Variants in HSPA9 observed in about 807,000 individuals in gnomAD.
HSPA9 encodes the protein heat shock protein family A (Hsp70) member 9.
A neutral mutation model predicts 81.5 loss-of-function variants in HSPA9; 28 were observed. That is an observed-to-expected ratio of 0.34 (90% CI 0.25 to 0.47). The LOEUF (loss-of-function observed/expected upper bound fraction) is 0.47, where lower values mean the gene tolerates loss of function less well. Among genes scored for constraint, HSPA9 ranks in the 20% least tolerant of loss-of-function variants. The pLI is 1.00. For synonymous variants in HSPA9, 293 were observed against 290.4 expected, an observed-to-expected ratio of 1.01 and a Z score of -0.09; for missense variants, 678 against 838.0, an observed-to-expected ratio of 0.81 and a Z score of 2.36.
chr5:138,558,595 T>C lies in HSPA9; in HGVS notation c.1473A>G (p.Arg491=). The C allele has an allele frequency of 6.2e-7, 1 of 1,613,840 alleles. No individual in the cohort carries two copies. The highest frequency in any genetic ancestry group is 8.5e-7 in the Non-Finnish European group (1 of 1,179,730). The change falls in exon 12 of 17, where the codon AGA becomes AGG. Residue 491 remains arginine, a synonymous_variant. Transcript: ENST00000297185. Reference sequence around the variant, plus strand: ...GGAGTTTGTTGTCTCCAGCCATCTCTCTTTCACCCTGACACACTTTAATTT... The same window carrying C: ...GGAGTTTGTTGTCTCCAGCCATCTCCCTTTCACCCTGACACACTTTAATTT... The part of the protein sequence containing the change: ...QVEIKVCQGE[R]EMAGDNKLLG...
At chr5:138,571,647 A>ATT (rs565771367) in intron 3 of HSPA9, among the ~76,000 whole-genome samples, 14 of 141,498 alleles carry the variant, frequency 9.9e-5, no homozygotes, top group Non-Finnish European at 9.3e-5. Context: ...TCAAACTACT[A>ATT]TTTTTTTTTT....
intron 2 of HSPA9, 67 bp from the exon 3 acceptor site, chr5:138,573,917 ATATT>A (rs1370419370): frequency 2.2e-6 from 3 of 1,355,046 alleles, no homozygotes; most frequent in Non-Finnish European, 3.2e-6. Flanking sequence ...CTGGAAGATA[ATATT>A]TAATTGGAAA....
At chr5:138,558,438 G>A in intron 12 of HSPA9, 115 bp downstream of exon 12, 1 of 772,630 alleles carries the variant, frequency 1.3e-6, no homozygotes, top group Non-Finnish European at 2.3e-6. Context: ...TTCTTCTCAA[G>A]ACTACTCAGT....
intron 9 of HSPA9, 82 bp from the exon 10 acceptor site, chr5:138,561,871 T>C (rs561091997): frequency 1.8e-6 from 2 of 1,085,112 alleles, no homozygotes; most frequent in South Asian, 1.3e-5. Context: ...AATATGACCA[T>C]GCCCTAGGAC....
At position 138,553,770 on chromosome 5, in the gene HSPA9, G is replaced by GTCC. The variant is rs1398877059; in HGVS notation, c.*2266_*2267insGGA. ...CCAATCATTTCTTTTTGCCTTTTGT[G>GTCC]ATAGTTAATTTTATGTGTCAGTTTA... On this transcript the variant is annotated 3_prime_UTR_variant, in exon 17 of 17. Coordinates refer to ENST00000297185, the MANE Select transcript of HSPA9 (RefSeq NM_004134.7). Among the ~76,000 whole-genome samples the GTCC allele has an allele frequency of 4.0e-5, 6 of 151,462 alleles. No individual in the cohort carries two copies. The highest frequency in any genetic ancestry group is 8.8e-5 in the Non-Finnish European group (6 of 67,926).
chr5:138,560,125 C>T (rs768620351), intron 10 of HSPA9, 34 bp from the exon 11 acceptor site: 4 of 1,517,316 alleles, frequency 2.6e-6, no homozygotes, highest in Non-Finnish European at 3.7e-6. Flanking sequence ...TGTCGGCCCA[C>T]ACTTGGGAAC....
At position 138,555,808 on chromosome 5, in the gene HSPA9, A is replaced by G. The variant is rs1431962620; in HGVS notation, c.*229T>C. On this transcript the variant is annotated 3_prime_UTR_variant, in exon 17 of 17. Coordinates refer to ENST00000297185, the MANE Select transcript of HSPA9 (RefSeq NM_004134.7). Reference sequence around the variant, plus strand: ...CCTACCTCCTTTTACATGCAGCTGAAAAATGACAGGCTAGGGACATAGAAT... The same window carrying G: ...CCTACCTCCTTTTACATGCAGCTGAGAAATGACAGGCTAGGGACATAGAAT... The G allele has an allele frequency of 1.8e-6, 1 of 570,528 alleles. No individual in the cohort carries two copies. The allele number at this position is 570,528 out of a possible 1,614,324, so 35.3% of individuals were successfully genotyped here.
At chr5:138,568,268 G>A (rs543160607) in intron 5 of HSPA9, among the ~76,000 whole-genome samples, 117 of 152,164 alleles carry the variant, frequency 7.7e-4, no homozygotes, top group Non-Finnish European at 1.5e-3. Context: ...AGGCTGAGGC[G>A]GATGAATCAC....
In HSPA9 at chr5:138,561,727, C is replaced by A; in HGVS notation, c.1035G>T (p.Lys345Asn). ...TCCCTTCAAATTGAGCACGGGTCAA[C>A]TTCATATTCAAATGCTTGGGTCCAG... is the stretch of plus-strand genomic sequence containing the variant. ...DSSGPKHLNMKLTRAQFEGIV... is the reference protein window; with the variant it reads ...DSSGPKHLNMNLTRAQFEGIV... The change falls in exon 10 of 17, where the codon AAG becomes AAT. Residue 345 changes from lysine (K) to asparagine (N), a missense_variant. By Grantham distance (94) the Lys-to-Asn change is moderately conservative. Coordinates refer to ENST00000297185, the MANE Select transcript of HSPA9 (RefSeq NM_004134.7). The A allele has an allele frequency of 6.2e-7, 1 of 1,614,116 alleles. No homozygotes were observed. Among genetic ancestry groups the A allele is most frequent in the Non-Finnish European group, 8.5e-7 (1 of 1,180,008 alleles).
intron 3 of HSPA9, among the ~76,000 whole-genome samples, chr5:138,571,495 T>G (rs1750889238): frequency 6.6e-6 from 1 of 152,118 alleles, no homozygotes; most frequent in Non-Finnish European, 1.5e-5. Context: ...ATTACTGGTA[T>G]GTTTGCAGCA....
rs1750470111 is a variant in HSPA9 at position 138,554,038 on chromosome 5, G to C, written c.*1999C>G. Among the ~76,000 whole-genome samples, 1 of 152,136 alleles carries C rather than the reference G, an allele frequency of 6.6e-6. No homozygotes were observed. On this transcript the variant is annotated 3_prime_UTR_variant, in exon 17 of 17. Coordinates refer to ENST00000297185, the MANE Select transcript of HSPA9 (RefSeq NM_004134.7). ...GCAGTGGACTGTGGGTGGGACCTCG[G>C]TTCCATAATTGTGAGCCAGTTTCTT... is the stretch of plus-strand genomic sequence containing the variant.
chr5:138,574,023 A>G, intron 2 of HSPA9, 45 bp downstream of exon 2: 1 of 1,467,724 alleles, frequency 6.8e-7, no homozygotes, highest in Non-Finnish European at 9.6e-7. Flanking sequence ...ACTGCTTTGA[A>G]GTTTAATATG....
chr5:138,567,395 A>C (rs256014), intron 7 of HSPA9, 60 bp downstream of exon 7: 4 of 1,350,858 alleles, frequency 3.0e-6, no homozygotes, highest in Non-Finnish European at 4.2e-6. Flanking sequence ...CAATTACTAA[A>C]AAATTAAGTG....
chr5:138,568,884 T>C (rs189418703), intron 5 of HSPA9, 41 bp downstream of exon 5: 1 of 1,607,846 alleles, frequency 6.2e-7, no homozygotes, highest in Non-Finnish European at 8.5e-7. Context: ...CAGGAATCAT[T>C]GTTCTTAGAA....
In HSPA9 at chr5:138,555,806, G is replaced by T. The variant is rs575501030; in HGVS notation, c.*231C>A. ...ATCCTACCTCCTTTTACATGCAGCT[G>T]AAAAATGACAGGCTAGGGACATAGA... On this transcript the variant is annotated 3_prime_UTR_variant, in exon 17 of 17. Transcript: ENST00000297185. 3.5e-6 allele frequency: 2 copies of T among 567,508 alleles called. No individual in the cohort carries two copies. The highest frequency in any genetic ancestry group is 4.2e-5 in the South Asian group (2 of 47,214). The allele number at this position is 567,508 out of a possible 1,614,324, so 35.2% of individuals were successfully genotyped here. A position where few individuals can be genotyped will look rare whatever the true frequency, so the allele number is the denominator to read the frequency against.
chr5:138,563,547 AG>A (rs1750701064), intron 9 of HSPA9, among the ~76,000 whole-genome samples: 1 of 152,112 alleles, frequency 6.6e-6, no homozygotes, highest in African/African-American at 2.4e-5. Flanking sequence ...ACACCCACTC[AG>A]GGTGCCTTCT....
intron 4 of HSPA9, among the ~76,000 whole-genome samples, chr5:138,569,891 TTC>T (rs1356922702): frequency 2.4e-5 from 3 of 125,574 alleles, no homozygotes; most frequent in Non-Finnish European, 5.5e-5. Context: ...CTACCTATGC[TTC>T]TAGTTTTTTT....
Position 138,567,179 on chromosome 5 carries a change from G to GAAAA in HSPA9, c.717-20_717-17dup. 1.3e-6 allele frequency: 2 copies of GAAAA among 1,504,224 alleles called. No individual in the cohort carries two copies. The highest frequency in any genetic ancestry group is 3.7e-5 in the Admixed American group (2 of 53,340). The allele number at this position is 1,504,224 out of a possible 1,614,324, so 93.2% of individuals were successfully genotyped here. A position where few individuals can be genotyped will look rare whatever the true frequency, so the allele number is the denominator to read the frequency against. ...TACAGCAATGCTGTAAATGATTTGT[G>GAAAA]AAAAAAAAAAGAAAAGAAATCCTTA... On this transcript the variant is annotated splice_polypyrimidine_tract_variant and intron_variant, in intron 7 of 16. Coordinates refer to ENST00000297185, the MANE Select transcript of HSPA9 (RefSeq NM_004134.7).
intron 9 of HSPA9, among the ~76,000 whole-genome samples, chr5:138,564,799 T>G (rs1260800172): frequency 6.6e-6 from 1 of 152,224 alleles, no homozygotes; most frequent in Non-Finnish European, 1.5e-5. Context: ...TGCTCACAAC[T>G]CTTAGGGGAA....
Sources: gnomAD v4.1 joint callset for allele counts (sites outside exome capture counted in the v4.1 genomes callset) on GRCh38, gnomAD v4.1.1 for gene constraint, MANE v1.5 for transcripts, NCBI Gene and HGNC (gene_info 2026-07-23, HGNC 2026-07-21) for gene names.